The following TRMT2B variants were observed in gnomAD, a reference collection of about 807,000 sequenced individuals.
TRMT2B encodes tRNA methyltransferase 2B, also known as tRNA (uracil-5-)-methyltransferase homolog B.
Under a neutral mutation model 39.7 loss-of-function variants are expected in TRMT2B, and 34 were observed. The ratio of observed to expected loss-of-function variants is 0.86; its 90% CI spans 0.65 to 1.14. TRMT2B has a LOEUF of 1.14. Among genes scored for constraint, TRMT2B ranks in the 50% most tolerant of loss-of-function variants. TRMT2B has a pLI of 0.00. For synonymous variants in TRMT2B, 132 were observed against 137.3 expected, an observed-to-expected ratio of 0.96 and a Z score of 0.27; for missense variants, 318 against 377.2, an observed-to-expected ratio of 0.84 and a Z score of 1.30.
the TRMT2B span, among the ~76,000 whole-genome samples, chrX:101,003,780 A>AT: frequency 8.9e-6 from 1 of 112,226 alleles, no homozygotes; most frequent in Non-Finnish European, 1.9e-5. Context: ...GGGATGCAAC[A>AT]TGAAGTACAT....
intron 2 of TRMT2B, among the ~76,000 whole-genome samples, chrX:101,044,979 G>A (rs1473651302): frequency 6.6e-4 from 69 of 104,997 alleles, no homozygotes; most frequent in Non-Finnish European, 2.9e-4. Flanking sequence ...GCAATGAGCC[G>A]AGACCGTGCC....
chrX:100,985,901 G>A, the TRMT2B span: 1 of 1,206,449 alleles, frequency 8.3e-7, no homozygotes, highest in African/African-American at 1.7e-5. Context: ...AGAGTGGCAG[G>A]GAAACCCATC....
intron 13 of TRMT2B, among the ~76,000 whole-genome samples, chrX:101,017,043 G>A (rs200424515): frequency 9.1e-6 from 1 of 109,330 alleles, no homozygotes; most frequent in Non-Finnish European, 1.9e-5. Context: ...CATGTGGCAC[G>A]TGCCTGTAAT....
chrX:101,049,880 G>C (rs2148086447), intron 2 of TRMT2B, among the ~76,000 whole-genome samples: 1 of 111,659 alleles, frequency 9.0e-6, no homozygotes, highest in African/African-American at 3.2e-5. Context: ...AGAGGCAAGA[G>C]ACATAAAGAA....
the TRMT2B span, chrX:100,990,802 C>A: frequency 2.6e-6 from 1 of 382,241 alleles, no homozygotes; most frequent in Non-Finnish European, 4.6e-6. Flanking sequence ...AAAGGATTGG[C>A]AAAAATAAAT....
rs1347443326 is a variant in TRMT2B, at chrX:101,021,292, T to C, written c.875A>G (p.Gln292Arg). The C allele has an allele frequency of 9.9e-6, 12 of 1,210,482 alleles. No homozygotes were observed. Among genetic ancestry groups the C allele is most frequent in the Non-Finnish European group, 1.2e-5 (11 of 894,545 alleles). ...QESTMTRCSH[Q>R]QSPYQLLFGE... ...AAACAGAAGCTGATAGGGAGACTGCTGATGGCTGCAACGGGTCATGGTACT... is the reference window on the plus strand; with the variant it reads ...AAACAGAAGCTGATAGGGAGACTGCCGATGGCTGCAACGGGTCATGGTACT... Residue 292 changes from glutamine (Q) to arginine (R), a missense_variant, in exon 10 of 14, where the codon CAG becomes CGG. Transcript: ENST00000372936.
the TRMT2B span, chrX:100,988,044 G>C: frequency 2.9e-5 from 13 of 452,262 alleles, no homozygotes; most frequent in Middle Eastern, 5.8e-4. Flanking sequence ...TCAGAGTTTT[G>C]AGGAGCAAAA....
chrX:101,025,149 A>C (rs141978173), intron 7 of TRMT2B, among the ~76,000 whole-genome samples: 1 of 112,141 alleles, frequency 8.9e-6, no homozygotes, highest in Non-Finnish European at 1.9e-5. Flanking sequence ...ACTGAACAGG[A>C]AAGGTATTCT....
chrX:101,040,844 T>C (rs2088183996), intron 4 of TRMT2B, among the ~76,000 whole-genome samples: 1 of 111,537 alleles, frequency 9.0e-6, no homozygotes, highest in Non-Finnish European at 1.9e-5. Flanking sequence ...GAAGATATAA[T>C]TGGCCTAAAG....
At position 101,051,941 on chromosome X, in the gene TRMT2B, C is replaced by G. The variant is rs952903839; in HGVS notation, c.-631G>C. On this transcript the variant is annotated 5_prime_UTR_variant, in exon 1 of 14. Coordinates refer to ENST00000372936, the MANE Select transcript of TRMT2B (RefSeq NM_024917.6). Reference sequence around the variant, plus strand: ...CGCAGCCAACCCTTGGCAAGCGCGGCGGGACACGGGGCTCCTCCCAGCGTC... The same window carrying G: ...CGCAGCCAACCCTTGGCAAGCGCGGGGGGACACGGGGCTCCTCCCAGCGTC... 8.6e-6 allele frequency: 1 copy of G among 116,386 alleles called. No homozygotes were observed. Among genetic ancestry groups the G allele is most frequent in the Non-Finnish European group, 1.7e-5 (1 of 57,434 alleles). The allele number at this position is 116,386 out of a possible 1,213,427, so 9.6% of individuals were successfully genotyped here. A position where few individuals can be genotyped will look rare whatever the true frequency, so the allele number is the denominator to read the frequency against.
At chrX:100,977,058 T>C in the TRMT2B span, among the ~76,000 whole-genome samples, 1 of 112,285 alleles carries the variant, frequency 8.9e-6, no homozygotes, top group African/African-American at 3.2e-5. Context: ...TATGGGTACA[T>C]TGTAGGTGTA....
the TRMT2B span, among the ~76,000 whole-genome samples, chrX:101,002,888 A>G: frequency 9.0e-6 from 1 of 111,275 alleles, no homozygotes; most frequent in Admixed American, 9.7e-5. Context: ...ATCAGTGGGT[A>G]CACGAAAATA....
Position 101,018,953 on chromosome X carries a change from A to G in TRMT2B, c.1388+18T>C, listed in dbSNP as rs2086661673. The stretch of plus-strand genomic sequence containing the variant: ...TGATAATCAGAACAAAAAATTTTAA[A>G]CAGAAGTCAAGACTTACTCAATGAC... On this transcript the variant is annotated intron_variant, in intron 13 of 13. Coordinates refer to ENST00000372936, the MANE Select transcript of TRMT2B (RefSeq NM_024917.6). 1.3e-5 allele frequency: 15 copies of G among 1,116,798 alleles called. No homozygotes were observed. Among genetic ancestry groups the G allele is most frequent in the Non-Finnish European group, 1.9e-5 (15 of 810,697 alleles). The allele number at this position is 1,116,798 out of a possible 1,213,427, so 92.0% of individuals were successfully genotyped here. A position where few individuals can be genotyped will look rare whatever the true frequency, so the allele number is the denominator to read the frequency against.
chrX:101,021,314 T>C lies in TRMT2B; in HGVS notation c.853A>G (p.Thr285Ala). ...GLTSLYFQES[T>A]MTRCSHQQSP... ...TGCTGATGGCTGCAACGGGTCATGG[T>C]ACTGGAAAGGAATAAAAGAAGAAAG... is the stretch of plus-strand genomic sequence containing the variant. The change falls in exon 10 of 14, where the codon ACC becomes GCC. Residue 285 changes from threonine (T) to alanine (A), a missense_variant and splice_region_variant. Physicochemically the swap from Thr to Ala is moderately conservative, Grantham distance 58. Transcript: ENST00000372936. 1 of 1,199,988 alleles carries C rather than the reference T, an allele frequency of 8.3e-7. No homozygotes were observed.
chrX:101,026,210 C>A (rs1235956984), intron 7 of TRMT2B, among the ~76,000 whole-genome samples: 1 of 111,350 alleles, frequency 9.0e-6, no homozygotes, highest in East Asian at 2.8e-4. Context: ...CAGTGTCTCT[C>A]GCCTATAATC....
chrX:101,034,290 C>A (rs1430667075), intron 7 of TRMT2B, among the ~76,000 whole-genome samples: 4 of 108,548 alleles, frequency 3.7e-5, no homozygotes, highest in African/African-American at 1.3e-4. Context: ...TATAGGCGTG[C>A]GCCACTACGC....
At chrX:100,996,277 C>T in the TRMT2B span, among the ~76,000 whole-genome samples, 1 of 111,636 alleles carries the variant, frequency 9.0e-6, no homozygotes, top group Non-Finnish European at 1.9e-5. Context: ...AAGGGTGGAG[C>T]GGGGAGCGGA....
At chrX:101,027,761 A>C (rs962630744) in intron 7 of TRMT2B, among the ~76,000 whole-genome samples, 2 of 110,785 alleles carry the variant, frequency 1.8e-5, no homozygotes, top group African/African-American at 6.6e-5. Context: ...CCAGTCGAAT[A>C]TATCCAACTA....
chrX:101,019,642 T>G lies in TRMT2B; in HGVS notation c.1169-239A>C, dbSNP rs755081577. On this transcript the variant is annotated intron_variant, in intron 11 of 13. Coordinates refer to ENST00000372936, the MANE Select transcript of TRMT2B (RefSeq NM_024917.6). ...AGCAACTAGTGTTTACACCTTTTTT[T>G]TTTTCTTTTGCGACAGAGTCTCACT... is the stretch of plus-strand genomic sequence containing the variant. 4.6e-5 allele frequency among the ~76,000 whole-genome samples: 5 copies of G among 108,129 alleles called. No homozygotes were observed. In the South Asian group the frequency reaches 2.1e-3, roughly 44 times the overall value. 93.9% of individuals were successfully genotyped at this position (108,129 alleles called of 115,157 possible). A position where few individuals can be genotyped will look rare whatever the true frequency, so the allele number is the denominator to read the frequency against.
Sources: allele counts gnomAD v4.1 joint callset (sites outside exome capture counted in the v4.1 genomes callset), GRCh38; gene constraint gnomAD v4.1.1; transcripts MANE v1.5; gene names NCBI Gene and HGNC (gene_info 2026-07-23, HGNC 2026-07-21).